NTM: variants seen among roughly 807,000 people sequenced by gnomAD.
The protein encoded by NTM is neurotrimin, also known as IgLON family member 2.
Under a neutral mutation model 42.1 loss-of-function variants are expected in NTM, and 13 were observed. The observed-to-expected ratio is 0.31, with a 90% CI of 0.20 to 0.49. The LOEUF (loss-of-function observed/expected upper bound fraction) is 0.49, where lower values mean the gene tolerates loss of function less well. NTM is among the 20% of genes least tolerant of loss of function. NTM has a pLI of 0.99. For missense variants in NTM, 373 were observed against 452.8 expected (o/e 0.82, Z 1.60); for synonymous variants, 187 against 179.2 (o/e 1.04, Z -0.35).
chr11:132,098,358 T>A (rs1042390914), intron 2 of NTM, among the ~76,000 whole-genome samples: 1 of 152,212 alleles, frequency 6.6e-6, no homozygotes, highest in East Asian at 1.9e-4. Flanking sequence ...AAGAATCCCA[T>A]AGAGAATCTT....
At chr11:131,565,749 G>A (rs2056815399) in intron 1 of NTM, among the ~76,000 whole-genome samples, 1 of 152,162 alleles carries the variant, frequency 6.6e-6, no homozygotes, top group South Asian at 2.1e-4. Flanking sequence ...GATCCTGTGG[G>A]GACTCTGCCC....
chr11:131,681,497 G>A (rs2072853768), intron 1 of NTM, among the ~76,000 whole-genome samples: 1 of 44,874 alleles, frequency 2.2e-5, no homozygotes, highest in Non-Finnish European at 3.9e-5. Flanking sequence ...CTCCTTGTGT[G>A]TGTGAGCATG....
In NTM at chr11:131,819,179, G is replaced by C. The variant is rs142310737; in HGVS notation, c.83-92385G>C. Among the ~76,000 whole-genome samples, 409 of 152,244 alleles carry C rather than the reference G, an allele frequency of 2.7e-3. 1 individual carries two copies. Among genetic ancestry groups the C allele is most frequent in the African/African-American group, 9.0e-3 (375 of 41,546 alleles). On this transcript the variant is annotated intron_variant, in intron 1 of 8. Coordinates refer to ENST00000683400, the MANE Select transcript of NTM (RefSeq NM_001352005.2). ...CCCATGAGTCCAGGTGAAGAAGACT[G>C]TAAGAGACCCTCTAGTTCAAAACTT...
intron 2 of NTM, among the ~76,000 whole-genome samples, chr11:132,107,339 C>CTTCTTTTTTTT (rs1640202965): frequency 1.1e-5 from 1 of 88,858 alleles, no homozygotes; most frequent in African/African-American, 5.0e-5. Flanking sequence ...AAGATTTATC[C>CTTCTTTTTTTT]TTTTTTTTTT....
chr11:131,497,726 A>G (rs1955503006), intron 1 of NTM, among the ~76,000 whole-genome samples: 3 of 152,170 alleles, frequency 2.0e-5, no homozygotes. Context: ...ATGTATCAGT[A>G]TGTTCAGCTT....
chr11:131,951,290 C>T (rs746405535), intron 2 of NTM, among the ~76,000 whole-genome samples: 38 of 152,064 alleles, frequency 2.5e-4, no homozygotes, highest in Non-Finnish European at 5.0e-4. Flanking sequence ...TGAGCCTTCT[C>T]GGCAGATGGA....
At chr11:132,320,581 T>C (rs1288473741) in intron 7 of NTM, among the ~76,000 whole-genome samples, 13 of 152,214 alleles carry the variant, frequency 8.5e-5, no homozygotes, top group South Asian at 2.1e-4. Flanking sequence ...AACTGCAAGG[T>C]GGCAGTGAGG....
intron 1 of NTM, among the ~76,000 whole-genome samples, chr11:131,634,336 G>GA (rs543294687): frequency 2.3e-4 from 35 of 151,638 alleles, no homozygotes; most frequent in Admixed American, 8.6e-4. Context: ...GTGTATAATT[G>GA]AAAATAAATT....
chr11:131,593,442 G>A (rs1038283211), intron 1 of NTM, among the ~76,000 whole-genome samples: 2 of 152,160 alleles, frequency 1.3e-5, no homozygotes, highest in Non-Finnish European at 2.9e-5. Flanking sequence ...AGGGGACTGA[G>A]CCTCACCAGG....
chr11:132,026,420 TGTCAG>T (rs1411239586), intron 2 of NTM, among the ~76,000 whole-genome samples: 1 of 152,190 alleles, frequency 6.6e-6, no homozygotes, highest in African/African-American at 2.4e-5. Context: ...CATCCCTGGC[TGTCAG>T]GTCACTGCCA....
intron 1 of NTM, chr11:131,911,143 G>C: frequency 7.8e-7 from 1 of 1,274,620 alleles, no homozygotes; most frequent in Non-Finnish European, 1.0e-6. Context: ...AACTGCCGCT[G>C]GGAAGAAGCG....
intron 1 of NTM, among the ~76,000 whole-genome samples, chr11:131,812,183 CCTCTCTCTCTCTCT>C (rs145003478): frequency 7.0e-5 from 10 of 143,042 alleles, no homozygotes; most frequent in East Asian, 2.0e-4. Flanking sequence ...AATTAGTCAG[CCTCTCTCTCTCTCT>C]CTCTCTCTCT....
Position 131,893,528 on chromosome 11 carries a change from G to A in NTM, c.83-18036G>A, listed in dbSNP as rs115958331. On this transcript the variant is annotated intron_variant, in intron 1 of 8. Transcript: ENST00000683400. ...TGTCTATGAGAGTGAGGGAATAAAC[G>A]AAAGCTGGAGCAGAAGGCAGAAGAC... Among the ~76,000 whole-genome samples the A allele has an allele frequency of 6.7e-3, 1,028 of 152,304 alleles. 10 individuals are homozygous for A. Among genetic ancestry groups the A allele is most frequent in the African/African-American group, 0.023 (975 of 41,560 alleles).
intron 1 of NTM, among the ~76,000 whole-genome samples, chr11:131,389,024 A>AAAAAAAAAAAAG (rs774146196): frequency 1.1e-5 from 1 of 89,906 alleles, no homozygotes; most frequent in African/African-American, 4.6e-5. Flanking sequence ...AAAAAAAAAA[A>AAAAAAAAAAAAG]AAAAGAAAAG....
intron 2 of NTM, among the ~76,000 whole-genome samples, chr11:132,011,169 A>T (rs1361773881): frequency 6.6e-6 from 1 of 152,070 alleles, no homozygotes; most frequent in Non-Finnish European, 1.5e-5. Flanking sequence ...TATGTGATTG[A>T]AGAACTGAAT....
chr11:132,242,420 T>TA (rs927361989), intron 4 of NTM, among the ~76,000 whole-genome samples: 4 of 152,194 alleles, frequency 2.6e-5, no homozygotes, highest in Admixed American at 2.0e-4. Context: ...CCTGCTTAGT[T>TA]AAAAAAATGG....
rs549802458 is a variant in NTM at position 131,855,213 on chromosome 11, A to G, written c.83-56351A>G. Among the ~76,000 whole-genome samples the G allele has an allele frequency of 9.8e-5, 15 of 152,372 alleles. No homozygotes were observed. In the East Asian group the frequency reaches 2.9e-3, roughly 29 times the overall value. On this transcript the variant is annotated intron_variant, in intron 1 of 8. Transcript: ENST00000683400. ...TTTTACCCAGCAGGTAGTACGTACA[A>G]GAAACTTGCTACTCCAAGACGTGAT...
chr11:132,070,287 C>T (rs2057347161), intron 2 of NTM, among the ~76,000 whole-genome samples: 1 of 144,022 alleles, frequency 6.9e-6, no homozygotes. Flanking sequence ...TAACGTGTCA[C>T]ACAGCCAAGT....
chr11:131,862,255 G>C (rs1362708674), intron 1 of NTM, among the ~76,000 whole-genome samples: 1 of 152,140 alleles, frequency 6.6e-6, no homozygotes, highest in Non-Finnish European at 1.5e-5. Flanking sequence ...GGGGCCAAGA[G>C]TACAGAGAAC....
Sources: gnomAD v4.1 joint callset for allele counts (sites outside exome capture counted in the v4.1 genomes callset) on GRCh38, gnomAD v4.1.1 for gene constraint, MANE v1.5 for transcripts, NCBI Gene and HGNC (gene_info 2026-07-23, HGNC 2026-07-21) for gene names.